The following CTNNA3 variants were observed in gnomAD, a reference collection of about 807,000 sequenced individuals.
CTNNA3 encodes catenin alpha 3, also known as catenin alpha-3.
Under a neutral mutation model 95.7 loss-of-function variants are expected in CTNNA3, and 76 were observed. The observed-to-expected ratio is 0.79, with a 90% CI of 0.66 to 0.96. CTNNA3 has a LOEUF of 0.96. Among genes scored for constraint, CTNNA3 ranks in the 40% least tolerant of loss-of-function variants. CTNNA3 has a pLI of 0.00. For synonymous variants in CTNNA3, 431 were observed against 374.4 expected (o/e 1.15, Z -1.74); for missense variants, 1,191 against 1,089.8 (o/e 1.09, Z -1.31).
intron 2 of CTNNA3, among the ~76,000 whole-genome samples, chr10:67,643,887 T>C (rs1370740948): frequency 6.6e-6 from 1 of 152,214 alleles, no homozygotes; most frequent in Admixed American, 6.5e-5. Flanking sequence ...GGCTGCATAG[T>C]ATTCAATGGT....
At chr10:67,183,221 T>C (rs1214073326) in intron 6 of CTNNA3, among the ~76,000 whole-genome samples, 2 of 152,202 alleles carry the variant, frequency 1.3e-5, no homozygotes, top group African/African-American at 4.8e-5. Context: ...AACATGCTGC[T>C]ATAAAAACAC....
At chr10:66,651,800 G>GGCCCTTGATCGCGGCACAAAGCAGC in intron 9 of CTNNA3, among the ~76,000 whole-genome samples, 1 of 151,466 alleles carries the variant, frequency 6.6e-6, no homozygotes, top group South Asian at 2.1e-4. Flanking sequence ...AACCCGCATT[G>GGCCCTTGATCGCGGCACAAAGCAGC]GCCGGTTCCC....
chr10:66,572,095 A>C (rs1232722017), intron 10 of CTNNA3, among the ~76,000 whole-genome samples: 1 of 151,978 alleles, frequency 6.6e-6, no homozygotes, highest in African/African-American at 2.4e-5. Flanking sequence ...AAAAATCCAG[A>C]TATGAGGCCG....
intron 5 of CTNNA3, among the ~76,000 whole-genome samples, chr10:67,255,318 A>T (rs2199848): frequency 0.61 from 90,300 of 148,380 alleles, 28,770 homozygotes; most frequent in African/African-American, 0.81. Context: ...ATAAATAAAT[A>T]AATTAATTAA....
intron 7 of CTNNA3, among the ~76,000 whole-genome samples, chr10:66,835,714 A>G (rs1279389802): frequency 2.0e-5 from 3 of 152,166 alleles, no homozygotes; most frequent in African/African-American, 7.2e-5. Context: ...GAGGTAATTA[A>G]TCATTCAATT....
At chr10:66,931,836 A>G (rs531108119) in intron 7 of CTNNA3, among the ~76,000 whole-genome samples, 3 of 152,246 alleles carry the variant, frequency 2.0e-5, no homozygotes, top group Non-Finnish European at 4.4e-5. Context: ...AAGAATAGAT[A>G]AGAAATATTT....
In CTNNA3 at chr10:67,560,903, A is replaced by G. The variant is rs570326677; in HGVS notation, c.293-21234T>C. On this transcript the variant is annotated intron_variant, in intron 3 of 17. Transcript: ENST00000433211. ...AAAGAGACAAAGAAGGCCATTGCAT[A>G]ATGGTAAAGGGATCAATTCAACAAG... Among the ~76,000 whole-genome samples, 584 of 152,324 alleles carry G rather than the reference A, an allele frequency of 3.8e-3. 11 individuals are homozygous for G. In the South Asian group the frequency reaches 0.044, roughly 11 times the overall value.
intron 3 of CTNNA3, among the ~76,000 whole-genome samples, chr10:67,544,159 T>C (rs1381054659): frequency 6.6e-6 from 1 of 152,188 alleles, no homozygotes; most frequent in Non-Finnish European, 1.5e-5. Flanking sequence ...TGGCTATGTC[T>C]TATTTCCATT....
chr10:67,109,799 C>T (rs1459669513), intron 7 of CTNNA3, among the ~76,000 whole-genome samples: 1 of 152,044 alleles, frequency 6.6e-6, no homozygotes, highest in Admixed American at 6.6e-5. Context: ...GCCGAGATCG[C>T]GCCACTGCAC....
intron 7 of CTNNA3, among the ~76,000 whole-genome samples, chr10:67,083,875 A>T (rs1219309433): frequency 6.6e-6 from 1 of 152,216 alleles, no homozygotes; most frequent in Admixed American, 6.5e-5. Context: ...TAAGTAATCA[A>T]AGCAAAATTT....
At chr10:66,111,608 A>G (rs1374407234) in intron 13 of CTNNA3, among the ~76,000 whole-genome samples, 1 of 152,250 alleles carries the variant, frequency 6.6e-6, no homozygotes, top group Non-Finnish European at 1.5e-5. Context: ...CTCAAGAGAG[A>G]TAAAGGGTAA....
chr10:66,107,927 A>G (rs2081970528), intron 13 of CTNNA3, among the ~76,000 whole-genome samples: 1 of 152,128 alleles, frequency 6.6e-6, no homozygotes, highest in Admixed American at 6.6e-5. Context: ...AACCATACAC[A>G]TGACTTATTA....
chr10:66,243,237 T>C (rs1313359368), intron 13 of CTNNA3, among the ~76,000 whole-genome samples: 1 of 152,222 alleles, frequency 6.6e-6, no homozygotes, highest in Non-Finnish European at 1.5e-5. Flanking sequence ...AATATATTTC[T>C]TCGATATATC....
intron 5 of CTNNA3, among the ~76,000 whole-genome samples, chr10:67,330,836 A>T (rs1439200763): frequency 6.6e-6 from 1 of 152,166 alleles, no homozygotes; most frequent in Non-Finnish European, 1.5e-5. Flanking sequence ...AAGAGAAGTA[A>T]AATACGGATA....
intron 1 of CTNNA3, among the ~76,000 whole-genome samples, chr10:67,650,524 C>T (rs1456929744): frequency 6.6e-6 from 1 of 152,190 alleles, no homozygotes; most frequent in African/African-American, 2.4e-5. Flanking sequence ...TCCTTCCCTT[C>T]TCCCCAAACT....
chr10:66,536,193 T>A (rs1391246364), intron 10 of CTNNA3, among the ~76,000 whole-genome samples: 12 of 140,662 alleles, frequency 8.5e-5, no homozygotes, highest in Admixed American at 7.0e-5. Flanking sequence ...GAGAGAGAAA[T>A]TAAAAAAGGT....
chr10:66,111,316 T>C (rs2082111542), intron 13 of CTNNA3, among the ~76,000 whole-genome samples: 1 of 152,198 alleles, frequency 6.6e-6, no homozygotes, highest in Non-Finnish European at 1.5e-5. Context: ...CCTCCAGCCA[T>C]GCTTCCTGTA....
chr10:66,213,357 T>C (rs1235631715), intron 13 of CTNNA3, among the ~76,000 whole-genome samples: 1 of 152,184 alleles, frequency 6.6e-6, no homozygotes, highest in Non-Finnish European at 1.5e-5. Context: ...CATCTGACTA[T>C]AGCATTATAG....
intron 5 of CTNNA3, among the ~76,000 whole-genome samples, chr10:67,447,819 T>C (rs1195347531): frequency 6.6e-6 from 1 of 152,200 alleles, no homozygotes; most frequent in Non-Finnish European, 1.5e-5. Context: ...GCAGAGACTT[T>C]TCCTGTTTCA....
Sources: allele counts gnomAD v4.1 joint callset (sites outside exome capture counted in the v4.1 genomes callset), GRCh38; gene constraint gnomAD v4.1.1; transcripts MANE v1.5; gene names NCBI Gene and HGNC (gene_info 2026-07-23, HGNC 2026-07-21).